TMEM68: variants seen among roughly 807,000 people sequenced by gnomAD.
TMEM68 encodes transmembrane protein 68.
In TMEM68, 25 loss-of-function variants were observed where a neutral mutation model predicts 36.9. That is an observed-to-expected ratio of 0.68 (90% CI 0.49 to 0.95). TMEM68 has a LOEUF of 0.95. Among genes scored for constraint, TMEM68 ranks in the 40% least tolerant of loss-of-function variants. The probability of loss-of-function intolerance (pLI) is 0.00; values close to 1 mark genes in which losing one functional copy is unlikely to be tolerated. For missense variants in TMEM68, 333 were observed against 392.0 expected, an observed-to-expected ratio of 0.85 and a Z score of 1.27; for synonymous variants, 131 against 124.4, an observed-to-expected ratio of 1.05 and a Z score of -0.35.
intron 5 of TMEM68, among the ~76,000 whole-genome samples, chr8:55,750,299 C>A (rs1810392420): frequency 6.6e-6 from 1 of 152,034 alleles, no homozygotes; most frequent in Admixed American, 6.6e-5. Context: ...ATTTTCTATA[C>A]AACTAAAAAA....
At chr8:55,743,242 A>G (rs1199399107) in intron 7 of TMEM68, among the ~76,000 whole-genome samples, 1 of 152,098 alleles carries the variant, frequency 6.6e-6, no homozygotes, top group Non-Finnish European at 1.5e-5. Context: ...CATAAATTCT[A>G]TCACTGGCCC....
chr8:55,757,597 T>A (rs1291410617), intron 3 of TMEM68, among the ~76,000 whole-genome samples: 1 of 152,004 alleles, frequency 6.6e-6, no homozygotes, highest in Non-Finnish European at 1.5e-5. Context: ...ACCCTTTCAC[T>A]CCCTCTAAGA....
chr8:55,754,054 T>C (rs1050920893), intron 4 of TMEM68, among the ~76,000 whole-genome samples: 8 of 151,700 alleles, frequency 5.3e-5, no homozygotes, highest in Non-Finnish European at 7.4e-5. Context: ...ATCGCACCAT[T>C]GCACTCCAGC....
At position 55,762,944 on chromosome 8, in the gene TMEM68, G is replaced by C; in HGVS notation, c.16C>G (p.Gln6Glu). 3 of 1,576,188 alleles carry C rather than the reference G, an allele frequency of 1.9e-6. No homozygotes were observed. The highest frequency in any genetic ancestry group is 2.6e-6 in the Non-Finnish European group (3 of 1,162,188). Reference sequence around the variant, plus strand: ...GAATCCTGTCCTACACCACAGGTTTGATTTTTGTCTATCATTTTTCTTCAG... The same window carrying C: ...GAATCCTGTCCTACACCACAGGTTTCATTTTTGTCTATCATTTTTCTTCAG... Reference protein sequence around the residue: MIDKNQTCGVGQDSVP... With the variant: MIDKNETCGVGQDSVP... Residue 6 changes from glutamine (Q) to glutamate (E), a missense_variant, in exon 3 of 8, where the codon CAA becomes GAA. Gln to Glu is a conservative substitution (Grantham distance 29, BLOSUM62 2). Transcript: ENST00000434581.
intron 1 of TMEM68, among the ~76,000 whole-genome samples, chr8:55,771,264 C>A (rs1033442444): frequency 6.6e-6 from 1 of 151,876 alleles, no homozygotes; most frequent in Non-Finnish European, 1.5e-5. Flanking sequence ...ACTAATAAAT[C>A]AGAACAGAGA....
At chr8:55,756,655 G>A (rs142372413) in intron 3 of TMEM68, among the ~76,000 whole-genome samples, 2 of 152,136 alleles carry the variant, frequency 1.3e-5, no homozygotes. Context: ...GAGTGTTGGC[G>A]CCAGACACTA....
chr8:55,762,523 T>A (rs1810827293), intron 3 of TMEM68, 112 bp downstream of exon 3: 2 of 1,541,930 alleles, frequency 1.3e-6, no homozygotes, highest in African/African-American at 2.8e-5. Flanking sequence ...ATAGTAAATA[T>A]CACTTCTATT....
intron 3 of TMEM68, among the ~76,000 whole-genome samples, chr8:55,760,234 A>G (rs1810741323): frequency 6.6e-6 from 1 of 152,262 alleles, no homozygotes; most frequent in Admixed American, 6.5e-5. Flanking sequence ...AAATCACAGA[A>G]GTTGGGAAGT....
intron 3 of TMEM68, chr8:55,761,485 CA>C (rs1284236167): frequency 6.6e-6 from 1 of 152,186 alleles, no homozygotes; most frequent in African/African-American, 2.4e-5. Context: ...AGAGCTCTCT[CA>C]AATGTATACT....
intron 7 of TMEM68, among the ~76,000 whole-genome samples, chr8:55,740,747 C>T (rs772689977): frequency 6.6e-6 from 1 of 151,566 alleles, no homozygotes; most frequent in African/African-American, 2.4e-5. Flanking sequence ...ACAATTATAT[C>T]AGGGTCTCAC....
chr8:55,766,684 C>T (rs868092651), intron 1 of TMEM68, among the ~76,000 whole-genome samples: 8 of 151,886 alleles, frequency 5.3e-5, no homozygotes, highest in African/African-American at 1.5e-4. Flanking sequence ...CCTCTATGCA[C>T]GCTTTTATCT....
intron 1 of TMEM68, among the ~76,000 whole-genome samples, chr8:55,764,986 C>T (rs150836025): frequency 1.2e-3 from 190 of 152,230 alleles, no homozygotes; most frequent in Non-Finnish European, 2.4e-3. Flanking sequence ...GCAGGAGAAA[C>T]GCTTGAACCT....
At chr8:55,754,679 AAT>A (rs1491104545) in intron 4 of TMEM68, among the ~76,000 whole-genome samples, 1 of 101,072 alleles carries the variant, frequency 9.9e-6, no homozygotes, top group Non-Finnish European at 1.9e-5. Context: ...TATATTATGT[AAT>A]ATATATTATA....
chr8:55,753,206 C>T (rs1221353768), intron 4 of TMEM68, among the ~76,000 whole-genome samples: 4 of 151,560 alleles, frequency 2.6e-5, no homozygotes, highest in Non-Finnish European at 5.9e-5. Context: ...TTTATTATTG[C>T]TAAAAACGAA....
chr8:55,768,347 G>A (rs1811039651), intron 1 of TMEM68, among the ~76,000 whole-genome samples: 1 of 152,118 alleles, frequency 6.6e-6, no homozygotes, highest in Non-Finnish European at 1.5e-5. Flanking sequence ...ACTCACAAAG[G>A]AGGAAAGAAA....
rs997187571 is a variant in TMEM68, at chr8:55,771,621, AAAAT to A, written c.-115+1644_-115+1647del. On this transcript the variant is annotated intron_variant, in intron 1 of 7. Coordinates refer to ENST00000434581, the MANE Select transcript of TMEM68 (RefSeq NM_001286657.2). ...GACAGAGCAAGATCCTGTCTCAAAA[AAAAT>A]AAATAAATAAATAAATAAAGTATAT... Among the ~76,000 whole-genome samples, 18 of 152,324 alleles carry A rather than the reference AAAAT, an allele frequency of 1.2e-4. 1 individual carries two copies. Among genetic ancestry groups the A allele is most frequent in the Middle Eastern group, 3.4e-3 (1 of 294 alleles).
At chr8:55,755,413 G>A (rs569712901) in intron 4 of TMEM68, among the ~76,000 whole-genome samples, 29 of 151,796 alleles carry the variant, frequency 1.9e-4, no homozygotes, top group African/African-American at 6.5e-4. Flanking sequence ...CCTACAGAAG[G>A]CCTATTAGCC....
intron 3 of TMEM68, 108 bp downstream of exon 3, chr8:55,762,527 T>C (rs766493646): frequency 9.7e-6 from 15 of 1,549,434 alleles, no homozygotes; most frequent in South Asian, 1.2e-5. Context: ...TAAATATCAC[T>C]TCTATTATAT....
chr8:55,758,705 C>G (rs534508568), intron 3 of TMEM68, among the ~76,000 whole-genome samples: 1 of 152,270 alleles, frequency 6.6e-6, no homozygotes, highest in South Asian at 2.1e-4. Flanking sequence ...ACTTGGGAGG[C>G]TGAGGTGGGA....
Sources: gnomAD v4.1 joint callset for allele counts (sites outside exome capture counted in the v4.1 genomes callset) on GRCh38, gnomAD v4.1.1 for gene constraint, MANE v1.5 for transcripts, NCBI Gene and HGNC (gene_info 2026-07-23, HGNC 2026-07-21) for gene names.